Variants in PRKCE observed in about 807,000 individuals in gnomAD.
PRKCE encodes the protein protein kinase C epsilon type.
In PRKCE, 16 loss-of-function variants were observed where a neutral mutation model predicts 85.4. The ratio of observed to expected loss-of-function variants is 0.19; its 90% confidence interval spans 0.13 to 0.28. The LOEUF (loss-of-function observed/expected upper bound fraction) is 0.28. PRKCE is among the 10% of genes least tolerant of loss of function. The pLI is 1.00. For synonymous variants in PRKCE, 388 were observed against 371.5 expected (o/e 1.04, Z -0.51); for missense variants, 573 against 975.2 (o/e 0.59, Z 5.49).
At chr2:46,055,981 A>T (rs1274917298) in intron 10 of PRKCE, among the ~76,000 whole-genome samples, 1 of 152,172 alleles carries the variant, frequency 6.6e-6, no homozygotes, top group Non-Finnish European at 1.5e-5. Context: ...TAATTTTTGC[A>T]TGCCAACCCA....
At chr2:46,122,393 G>A (rs1007997649) in intron 11 of PRKCE, among the ~76,000 whole-genome samples, 2 of 152,114 alleles carry the variant, frequency 1.3e-5, no homozygotes, top group Non-Finnish European at 2.9e-5. Flanking sequence ...ACTATGCCCA[G>A]CTAATTTTTG....
chr2:46,079,194 A>G (rs1668831782), intron 10 of PRKCE, among the ~76,000 whole-genome samples: 1 of 142,308 alleles, frequency 7.0e-6, no homozygotes, highest in African/African-American at 2.5e-5. Context: ...AAAAAAAAAG[A>G]AAATATAGGA....
At chr2:46,063,603 C>CT in intron 10 of PRKCE, among the ~76,000 whole-genome samples, 2 of 152,266 alleles carry the variant, frequency 1.3e-5, no homozygotes, top group Non-Finnish European at 2.9e-5. Flanking sequence ...TGTGAAGCAG[C>CT]TCGAGTTTGT....
At chr2:45,913,573 G>A (rs1025846146) in intron 2 of PRKCE, among the ~76,000 whole-genome samples, 2 of 152,236 alleles carry the variant, frequency 1.3e-5, no homozygotes, top group African/African-American at 4.8e-5. Flanking sequence ...ACCTTTGAGA[G>A]CTGCTTCAAG....
chr2:45,954,661 G>A (rs1700849716), intron 2 of PRKCE, among the ~76,000 whole-genome samples: 1 of 152,172 alleles, frequency 6.6e-6, no homozygotes, highest in African/African-American at 2.4e-5. Flanking sequence ...TAAACAAAGG[G>A]GGAGAACCTC....
intron 1 of PRKCE, among the ~76,000 whole-genome samples, chr2:45,716,592 G>A (rs1323782962): frequency 5.4e-5 from 8 of 149,480 alleles, no homozygotes; most frequent in African/African-American, 2.0e-4. Flanking sequence ...AGAAAGGAAG[G>A]AAGGAAGGAG....
intron 8 of PRKCE, among the ~76,000 whole-genome samples, chr2:46,005,846 C>T (rs1705145787): frequency 6.6e-6 from 1 of 152,230 alleles, no homozygotes. Context: ...GCCTGATGTA[C>T]TCTGGGGCTG....
At chr2:46,074,651 T>G (rs141509577) in intron 10 of PRKCE, among the ~76,000 whole-genome samples, 61 of 152,260 alleles carry the variant, frequency 4.0e-4, no homozygotes, top group Middle Eastern at 3.4e-3. Context: ...ACTGATAAGG[T>G]GACTCTTGAG....
intron 1 of PRKCE, among the ~76,000 whole-genome samples, chr2:45,752,993 C>T (rs926444265): frequency 3.9e-5 from 6 of 152,112 alleles, no homozygotes; most frequent in East Asian, 1.9e-4. Flanking sequence ...AGCTTTCCTG[C>T]GGCACACACA....
intron 1 of PRKCE, among the ~76,000 whole-genome samples, chr2:45,684,816 G>A (rs1572936702): frequency 2.0e-5 from 3 of 152,308 alleles, no homozygotes; most frequent in Middle Eastern, 6.8e-3. Flanking sequence ...GGGAATGCAT[G>A]GGACTTGTGT....
chr2:46,064,809 T>C (rs1017313357), intron 10 of PRKCE, among the ~76,000 whole-genome samples: 2 of 152,222 alleles, frequency 1.3e-5, no homozygotes, highest in Non-Finnish European at 2.9e-5. Context: ...CTTAGTCTTA[T>C]AGAATTTTGC....
At chr2:46,119,855 C>A (rs1673146155) in intron 11 of PRKCE, among the ~76,000 whole-genome samples, 1 of 152,214 alleles carries the variant, frequency 6.6e-6, no homozygotes, top group Non-Finnish European at 1.5e-5. Flanking sequence ...ACTCCCGTTG[C>A]TAGAATTTAG....
chr2:45,777,534 G>A (rs756100181), intron 1 of PRKCE, among the ~76,000 whole-genome samples: 6 of 152,166 alleles, frequency 3.9e-5, no homozygotes, highest in Non-Finnish European at 7.3e-5. Flanking sequence ...TGGGACTACA[G>A]GACATAGCCA....
intron 1 of PRKCE, among the ~76,000 whole-genome samples, chr2:45,761,755 C>T (rs1684523337): frequency 6.6e-6 from 1 of 152,148 alleles, no homozygotes; most frequent in African/African-American, 2.4e-5. Context: ...ATAAGCACTT[C>T]CCTATCTGAT....
chr2:45,779,452 T>C (rs57564238), intron 1 of PRKCE, among the ~76,000 whole-genome samples: 10,684 of 151,986 alleles, frequency 0.07, 956 homozygotes, highest in African/African-American at 0.21. Flanking sequence ...TGCCAGGTGT[T>C]GTGGGTTGAG....
intron 1 of PRKCE, among the ~76,000 whole-genome samples, chr2:45,689,220 T>C (rs1263465761): frequency 1.3e-5 from 2 of 152,202 alleles, no homozygotes; most frequent in Admixed American, 6.5e-5. Context: ...AGATCACAGA[T>C]TCCGAGTTGA....
chr2:45,978,778 G>A, intron 3 of PRKCE, 198 bp from the exon 4 acceptor site: 2 of 555,078 alleles, frequency 3.6e-6, no homozygotes, highest in Non-Finnish European at 6.4e-6. Context: ...ACCTCCCCAA[G>A]CACTGGGACT....
At chr2:46,064,589 C>T (rs1057051657) in intron 10 of PRKCE, among the ~76,000 whole-genome samples, 1 of 152,194 alleles carries the variant, frequency 6.6e-6, no homozygotes, top group Non-Finnish European at 1.5e-5. Flanking sequence ...TGAATATTAT[C>T]TCCTTTGTAG....
intron 1 of PRKCE, among the ~76,000 whole-genome samples, chr2:45,790,681 C>G (rs1467200133): frequency 6.6e-6 from 1 of 152,220 alleles, no homozygotes; most frequent in South Asian, 2.1e-4. Context: ...TAACCCTTCA[C>G]GTTTTTCTTC....
Sources: allele counts gnomAD v4.1 joint callset (sites outside exome capture counted in the v4.1 genomes callset), GRCh38; gene constraint gnomAD v4.1.1; transcripts MANE v1.5; gene names NCBI Gene and HGNC (gene_info 2026-07-23, HGNC 2026-07-21).